The following GULP1 variants were observed in gnomAD, a reference collection of about 807,000 sequenced individuals.
GULP1 encodes PTB domain-containing engulfment adapter protein 1.
In GULP1, 19 loss-of-function variants were observed where a neutral mutation model predicts 40.9. The ratio of observed to expected loss-of-function variants is 0.46; its 90% CI spans 0.32 to 0.68. The LOEUF is 0.68. GULP1 is among the 30% of genes least tolerant of loss of function. The pLI, the probability that GULP1 is intolerant of heterozygous loss-of-function variation, is 0.03. For synonymous variants in GULP1, 119 were observed against 117.6 expected, an observed-to-expected ratio of 1.01 and a Z score of -0.08; for missense variants, 312 against 362.2, an observed-to-expected ratio of 0.86 and a Z score of 1.12.
chr2:188,569,109 C>A, intron 7 of GULP1, 130 bp from the exon 8 acceptor site: 2 of 613,858 alleles, frequency 3.3e-6, no homozygotes, highest in East Asian at 2.9e-5. Flanking sequence ...TCTCTACTCC[C>A]AACTGTTGCC....
At chr2:188,406,683 C>A (rs1012191566) in intron 2 of GULP1, among the ~76,000 whole-genome samples, 4 of 150,950 alleles carry the variant, frequency 2.6e-5, no homozygotes, top group Admixed American at 6.6e-5. Flanking sequence ...CAAAACAAAA[C>A]AAAAAATAAA....
At chr2:188,546,739 T>C (rs1456956527) in intron 7 of GULP1, among the ~76,000 whole-genome samples, 1 of 151,626 alleles carries the variant, frequency 6.6e-6, no homozygotes, top group African/African-American at 2.4e-5. Flanking sequence ...AAGTGGAAAA[T>C]ACAGAAAATC....
At position 188,406,145 on chromosome 2, in the gene GULP1, A is replaced by G. The variant is rs114045357; in HGVS notation, c.-45+22256A>G. ...CCCCTATAGTGTAGCTGATTGCTACATATACCTATATGGTATATATCAAAT... is the reference window on the plus strand; with the variant it reads ...CCCCTATAGTGTAGCTGATTGCTACGTATACCTATATGGTATATATCAAAT... On this transcript the variant is annotated intron_variant, in intron 2 of 11. Transcript: ENST00000409830. Among the ~76,000 whole-genome samples, 630 of 152,334 alleles carry G rather than the reference A, an allele frequency of 4.1e-3. 7 individuals carry two copies. The highest frequency in any genetic ancestry group is 0.015 in the African/African-American group (606 of 41,558).
At chr2:188,351,539 G>A (rs1341480929) in intron 1 of GULP1, among the ~76,000 whole-genome samples, 1 of 152,052 alleles carries the variant, frequency 6.6e-6, no homozygotes, top group East Asian at 1.9e-4. Flanking sequence ...TTTCACTGAA[G>A]TGCACCTTAT....
intron 2 of GULP1, among the ~76,000 whole-genome samples, chr2:188,396,434 A>G (rs1282651871): frequency 6.6e-6 from 1 of 152,210 alleles, no homozygotes; most frequent in Non-Finnish European, 1.5e-5. Context: ...AAGAGTCCAT[A>G]TGCGGAGCGG....
intron 7 of GULP1, among the ~76,000 whole-genome samples, chr2:188,564,122 A>T (rs760985387): frequency 1.3e-5 from 2 of 151,918 alleles, no homozygotes; most frequent in Non-Finnish European, 2.9e-5. Context: ...TGTTTTTCTG[A>T]TAAAAACTTT....
At chr2:188,580,936 C>T (rs1349172490) in intron 9 of GULP1, among the ~76,000 whole-genome samples, 2 of 152,162 alleles carry the variant, frequency 1.3e-5, no homozygotes, top group Non-Finnish European at 2.9e-5. Flanking sequence ...ATCTTATGTG[C>T]GATCTTTCTG....
intron 2 of GULP1, among the ~76,000 whole-genome samples, chr2:188,463,152 TTTTC>T (rs1021619441): frequency 5.3e-5 from 8 of 152,320 alleles, no homozygotes; most frequent in Admixed American, 2.0e-4. Flanking sequence ...ATTAACATAC[TTTTC>T]TTTCTGATTT....
chr2:188,297,754 G>A (rs77783294), intron 1 of GULP1, among the ~76,000 whole-genome samples: 87 of 151,944 alleles, frequency 5.7e-4, no homozygotes, highest in African/African-American at 2.0e-3. Flanking sequence ...TTCATGAGGT[G>A]ATAACTATTG....
At position 188,484,117 on chromosome 2, in the gene GULP1, A is replaced by C. The variant is rs929695871; in HGVS notation, c.90+625A>C. Among the ~76,000 whole-genome samples the C allele has an allele frequency of 2.0e-5, 3 of 152,132 alleles. No individual in the cohort carries two copies. In the East Asian group the frequency reaches 5.8e-4, roughly 30 times the overall value. On this transcript the variant is annotated intron_variant, in intron 4 of 11. Transcript: ENST00000409830. The stretch of plus-strand genomic sequence containing the variant: ...GAGACGGGGTTTCACCGTGTTGCCC[A>C]TGCTGGTCTCGAACTCCTGACCTCA...
intron 2 of GULP1, among the ~76,000 whole-genome samples, chr2:188,445,728 G>T (rs1008090116): frequency 1.3e-5 from 2 of 152,148 alleles, no homozygotes; most frequent in Non-Finnish European, 2.9e-5. Context: ...GTGTTGTTGG[G>T]CAGTGAAAAG....
chr2:188,452,360 TG>T, intron 2 of GULP1, among the ~76,000 whole-genome samples: 1 of 152,288 alleles, frequency 6.6e-6, no homozygotes, highest in Non-Finnish European at 1.5e-5. Flanking sequence ...GGATTCTGCC[TG>T]ACAACAATTT....
At chr2:188,554,213 A>T (rs1387295016) in intron 7 of GULP1, among the ~76,000 whole-genome samples, 1 of 151,818 alleles carries the variant, frequency 6.6e-6, no homozygotes, top group Non-Finnish European at 1.5e-5. Flanking sequence ...TTACTTTCCT[A>T]GTTCCTTAAG....
chr2:188,453,903 G>A (rs762106818), intron 2 of GULP1, among the ~76,000 whole-genome samples: 28 of 152,208 alleles, frequency 1.8e-4, no homozygotes, highest in Non-Finnish European at 4.1e-4. Context: ...TAATGCTTCA[G>A]GTGCTTTTGG....
At chr2:188,368,939 GTATATATATATATATATATATATATA>G (rs56274020) in intron 1 of GULP1, among the ~76,000 whole-genome samples, 11 of 86,082 alleles carry the variant, frequency 1.3e-4, no homozygotes, top group Admixed American at 1.1e-3. Context: ...ATATATGTGT[GTATATATATATATATATATATATATA>G]TATATATATA....
At chr2:188,418,370 G>C (rs566078340) in intron 2 of GULP1, among the ~76,000 whole-genome samples, 91 of 152,198 alleles carry the variant, frequency 6.0e-4, no homozygotes, top group Admixed American at 3.8e-3. Flanking sequence ...AGTGGCTCAT[G>C]CCTGTAATCC....
At chr2:188,549,976 C>T (rs1693022495) in intron 7 of GULP1, among the ~76,000 whole-genome samples, 1 of 151,652 alleles carries the variant, frequency 6.6e-6, no homozygotes, top group Non-Finnish European at 1.5e-5. Context: ...GCTTATAAAA[C>T]AGCAAGATGA....
At chr2:188,323,650 ATGTGTG>A (rs112584285) in intron 1 of GULP1, among the ~76,000 whole-genome samples, 6,415 of 143,508 alleles carry the variant, frequency 0.045, 225 homozygotes, top group South Asian at 0.18. Context: ...ATCTGAAGAT[ATGTGTG>A]TGTGTGTGTG....
At chr2:188,476,601 A>T (rs2061031124) in intron 2 of GULP1, among the ~76,000 whole-genome samples, 1 of 152,156 alleles carries the variant, frequency 6.6e-6, no homozygotes, top group Non-Finnish European at 1.5e-5. Context: ...AAAAAATAGC[A>T]AAATATTTTA....
Sources: gnomAD v4.1 joint callset for allele counts (sites outside exome capture counted in the v4.1 genomes callset) on GRCh38, gnomAD v4.1.1 for gene constraint, MANE v1.5 for transcripts, NCBI Gene and HGNC (gene_info 2026-07-23, HGNC 2026-07-21) for gene names.